IL1RAPL1: variants seen among roughly 807,000 people sequenced by gnomAD.
IL1RAPL1 encodes interleukin 1 receptor accessory protein like 1.
Under a neutral mutation model 48.4 loss-of-function variants are expected in IL1RAPL1, and 3 were observed. The ratio of observed to expected loss-of-function variants is 0.06; its 90% CI spans 0.03 to 0.16. The LOEUF is 0.16. IL1RAPL1 is among the 10% of genes least tolerant of loss of function. IL1RAPL1 has a pLI of 1.00. For synonymous variants in IL1RAPL1, 185 were observed against 187.7 expected (o/e 0.99, Z 0.12); for missense variants, 349 against 530.6 (o/e 0.66, Z 3.36).
At chrX:29,804,479 A>G (rs1372382534) in intron 6 of IL1RAPL1, among the ~76,000 whole-genome samples, 1 of 111,568 alleles carries the variant, frequency 9.0e-6, no homozygotes, top group Non-Finnish European at 1.9e-5. Flanking sequence ...TCATGGGGGC[A>G]GTTTCCTCCA....
chrX:29,889,009 A>C (rs1440817287), intron 6 of IL1RAPL1, among the ~76,000 whole-genome samples: 1 of 112,035 alleles, frequency 8.9e-6, no homozygotes, highest in Non-Finnish European at 1.9e-5. Flanking sequence ...TTTAAAGTTC[A>C]ACTTGTTTCC....
At chrX:28,994,707 CT>C (rs890542499) in intron 2 of IL1RAPL1, among the ~76,000 whole-genome samples, 1 of 111,611 alleles carries the variant, frequency 9.0e-6, no homozygotes, top group Non-Finnish European at 1.9e-5. Context: ...TTTCTCAATT[CT>C]CGTGAGAATT....
intron 2 of IL1RAPL1, among the ~76,000 whole-genome samples, chrX:29,076,200 CT>C (rs1420957680): frequency 1.8e-5 from 2 of 111,900 alleles, no homozygotes; most frequent in Non-Finnish European, 3.8e-5. Flanking sequence ...GTTTCTAACT[CT>C]TTCTAACTTT....
At chrX:29,216,812 T>A (rs1930877854) in intron 2 of IL1RAPL1, among the ~76,000 whole-genome samples, 1 of 111,633 alleles carries the variant, frequency 9.0e-6, no homozygotes, top group South Asian at 3.8e-4. Context: ...GTCTTTAATA[T>A]TCACAATATA....
At chrX:29,740,676 C>T (rs1231089933) in intron 6 of IL1RAPL1, among the ~76,000 whole-genome samples, 2 of 112,023 alleles carry the variant, frequency 1.8e-5, no homozygotes, top group Non-Finnish European at 3.8e-5. Context: ...CCCCAGCTCT[C>T]ATCTCTTTGT....
At chrX:29,145,002 T>G (rs1315082646) in intron 2 of IL1RAPL1, among the ~76,000 whole-genome samples, 1 of 110,942 alleles carries the variant, frequency 9.0e-6, no homozygotes, top group Non-Finnish European at 1.9e-5. Context: ...GTGCTGGGAT[T>G]ACAGGCATGA....
At chrX:28,901,362 G>A (rs1361340936) in intron 2 of IL1RAPL1, among the ~76,000 whole-genome samples, 2 of 111,690 alleles carry the variant, frequency 1.8e-5, no homozygotes, top group East Asian at 2.8e-4. Context: ...TGAAATTTGG[G>A]TAATACATAT....
intron 3 of IL1RAPL1, among the ~76,000 whole-genome samples, chrX:29,377,756 A>G (rs767341512): frequency 1.8e-5 from 2 of 111,654 alleles, no homozygotes; most frequent in South Asian, 7.5e-4. Flanking sequence ...CCCTCTGTAC[A>G]TGACCTGAGC....
intron 5 of IL1RAPL1, among the ~76,000 whole-genome samples, chrX:29,637,852 T>C (rs2147083190): frequency 8.9e-6 from 1 of 112,223 alleles, no homozygotes; most frequent in South Asian, 3.7e-4. Context: ...AATAGAATGG[T>C]GTACATAGAA....
chrX:28,869,794 C>T (rs1022405016), intron 2 of IL1RAPL1, among the ~76,000 whole-genome samples: 6 of 111,538 alleles, frequency 5.4e-5, no homozygotes, highest in African/African-American at 1.6e-4. Context: ...GTGCAGCCAT[C>T]GTCACAGCCA....
chrX:28,760,438 A>G (rs1030993904), intron 1 of IL1RAPL1, among the ~76,000 whole-genome samples: 2 of 111,840 alleles, frequency 1.8e-5, no homozygotes, highest in Non-Finnish European at 3.8e-5. Flanking sequence ...ACATTTTACA[A>G]TCCAATAGAG....
chrX:29,061,201 G>A (rs1283119710), intron 2 of IL1RAPL1, among the ~76,000 whole-genome samples: 2 of 111,107 alleles, frequency 1.8e-5, no homozygotes, highest in African/African-American at 6.5e-5. Flanking sequence ...ACTAAACATT[G>A]AACAATAATT....
intron 2 of IL1RAPL1, among the ~76,000 whole-genome samples, chrX:28,981,090 C>CAAAAAAAAAAAAAAAAAA (rs57824632): frequency 8.2e-5 from 2 of 24,321 alleles, no homozygotes; most frequent in Non-Finnish European, 6.4e-5. Context: ...GACCCTGTCT[C>CAAAAAAAAAAAAAAAAAA]AAAAAAAAAA....
chrX:29,750,256 G>C (rs1928426987), intron 6 of IL1RAPL1, among the ~76,000 whole-genome samples: 1 of 112,004 alleles, frequency 8.9e-6, no homozygotes, highest in African/African-American at 3.2e-5. Flanking sequence ...AAGATGCTTC[G>C]TATTTGTATC....
intron 2 of IL1RAPL1, among the ~76,000 whole-genome samples, chrX:29,231,630 C>T (rs1486407840): frequency 9.0e-6 from 1 of 111,621 alleles, no homozygotes; most frequent in East Asian, 2.8e-4. Flanking sequence ...CATTCTCAAA[C>T]TTTGTGCATA....
At chrX:29,572,989 C>T (rs1922643143) in intron 5 of IL1RAPL1, among the ~76,000 whole-genome samples, 1 of 112,144 alleles carries the variant, frequency 8.9e-6, no homozygotes, top group Admixed American at 9.5e-5. Context: ...TTGTAATTTA[C>T]AAACAATAGG....
chrX:29,689,472 T>C (rs1926718996), intron 6 of IL1RAPL1, among the ~76,000 whole-genome samples: 1 of 112,440 alleles, frequency 8.9e-6, no homozygotes, highest in Non-Finnish European at 1.9e-5. Flanking sequence ...ACTTGTTCAA[T>C]GTTTGTTTGA....
chrX:28,936,155 C>T (rs190794908), intron 2 of IL1RAPL1, among the ~76,000 whole-genome samples: 1 of 111,042 alleles, frequency 9.0e-6, no homozygotes, highest in Non-Finnish European at 1.9e-5. Flanking sequence ...CATGCTGAAT[C>T]GAGCATCCTA....
At chrX:29,689,366 T>G (rs190884584) in intron 6 of IL1RAPL1, among the ~76,000 whole-genome samples, 8 of 111,567 alleles carry the variant, frequency 7.2e-5, no homozygotes, top group Non-Finnish European at 1.5e-4. Context: ...TCAAAACATC[T>G]CAGGTAGCCT....
Sources: allele counts gnomAD v4.1 joint callset (sites outside exome capture counted in the v4.1 genomes callset), GRCh38; gene constraint gnomAD v4.1.1; transcripts MANE v1.5; gene names NCBI Gene and HGNC (gene_info 2026-07-23, HGNC 2026-07-21).